The following FAM186B variants were observed in gnomAD, a reference collection of about 807,000 sequenced individuals.
FAM186B encodes family with sequence similarity 186 member B, also known as protein FAM186B.
A neutral mutation model predicts 83.4 loss-of-function variants in FAM186B; 68 were observed. That is an observed-to-expected ratio of 0.81 (90% CI 0.67 to 1.00). The LOEUF (loss-of-function observed/expected upper bound fraction) is 1.00. FAM186B is among the 50% of genes least tolerant of loss of function. The probability of loss-of-function intolerance (pLI) is 0.00; values close to 1 mark genes in which losing one functional copy is unlikely to be tolerated. For synonymous variants in FAM186B, 389 were observed against 422.0 expected (o/e 0.92, Z 0.96); for missense variants, 983 against 1,099.2 (o/e 0.89, Z 1.49).
rs2138314408 is a variant in FAM186B at position 49,605,324 on chromosome 12, C to G, written c.96+58G>C. The G allele has an allele frequency of 2.5e-6, 4 of 1,569,268 alleles. No homozygotes were observed. The East Asian group carries it at 9.2e-5, about 36-fold the overall frequency. On this transcript the variant is annotated intron_variant, in intron 1 of 6. Transcript: ENST00000257894. ...GAATCTCACTCAAACCTGGGATCAG[C>G]CCCCAGTCTCCGCATCAGATCCCAA...
intron 5 of FAM186B, chr12:49,595,465 G>T: frequency 2.1e-6 from 1 of 480,122 alleles, no homozygotes; most frequent in Non-Finnish European, 4.1e-6. Flanking sequence ...GATGGCTCAT[G>T]AGATCAGTTT....
upstream of FAM186B, among the ~76,000 whole-genome samples, chr12:49,610,235 A>C (rs981967579): frequency 6.6e-6 from 1 of 152,186 alleles, no homozygotes; most frequent in African/African-American, 2.4e-5. Flanking sequence ...GCATCTCCAG[A>C]TGAGAAAGAA....
chr12:49,596,314 C>T (rs1200900151), intron 5 of FAM186B, among the ~76,000 whole-genome samples: 1 of 144,182 alleles, frequency 6.9e-6, no homozygotes, highest in African/African-American at 2.7e-5. Flanking sequence ...TATAGTGAGA[C>T]CCCCGTCTCA....
chr12:49,592,018 C>G (rs1194354609), intron 5 of FAM186B, among the ~76,000 whole-genome samples: 1 of 152,054 alleles, frequency 6.6e-6, no homozygotes, highest in Non-Finnish European at 1.5e-5. Flanking sequence ...CCCATAGATA[C>G]AGAGGGCCAA....
At chr12:49,587,063 A>T (rs1939460694), downstream of FAM186B, among the ~76,000 whole-genome samples, 1 of 152,208 alleles carries the variant, frequency 6.6e-6, no homozygotes, top group Non-Finnish European at 1.5e-5. Context: ...CAGTAGTGAC[A>T]TCTACAAGCC....
chr12:49,600,412 T>C lies in FAM186B; in HGVS notation c.1228A>G (p.Thr410Ala), dbSNP rs1939854957. 6.2e-7 allele frequency: 1 copy of C among 1,613,812 alleles called. No homozygotes were observed. Among genetic ancestry groups the C allele is most frequent in the Non-Finnish European group, 8.5e-7 (1 of 1,179,910 alleles). The change falls in exon 4 of 7, where the codon ACT becomes GCT. Residue 410 changes from threonine (T) to alanine (A), a missense_variant. Coordinates refer to ENST00000257894, the MANE Select transcript of FAM186B (RefSeq NM_032130.3). This position sits in a 1 kb window ranked among gnomAD's most constrained non-coding sequence, Gnocchi z 4.3. ...RVADVFGSKD[T>A]ESLEPVLLPL... is the part of the protein sequence containing the mutation. Reference sequence around the variant, plus strand: ...AAAAGCACAGGCTCAAGGCTCTCAGTGTCCTTGCTGCCGAACACATCTGCG... The same window carrying C: ...AAAAGCACAGGCTCAAGGCTCTCAGCGTCCTTGCTGCCGAACACATCTGCG...
At position 49,605,378 on chromosome 12, in the gene FAM186B, C is replaced by T; in HGVS notation, c.96+4G>A. On this transcript the variant is annotated splice_donor_region_variant and intron_variant, in intron 1 of 6. Transcript: ENST00000257894. The stretch of plus-strand genomic sequence containing the variant: ...AAGAGTGATTCCTTCATCTCAGGGG[C>T]TACCTCTTGAGCCCGAGTTAGCTGG... 3 of 1,611,258 alleles carry T rather than the reference C, an allele frequency of 1.9e-6. No homozygotes were observed. The highest frequency in any genetic ancestry group is 2.5e-6 in the Non-Finnish European group (3 of 1,178,830).
At chr12:49,584,388 C>G (rs1294477157), downstream of FAM186B, 2 of 662,152 alleles carry the variant, frequency 3.0e-6, no homozygotes, top group Non-Finnish European at 5.5e-6. Context: ...CAGAGGGTTT[C>G]TTTAAAAGCA....
At position 49,587,655 on chromosome 12, in the gene FAM186B, G is replaced by C; in HGVS notation, c.2632C>G (p.Gln878Glu). 1 of 1,613,648 alleles carries C rather than the reference G, an allele frequency of 6.2e-7. No homozygotes were observed. The highest frequency in any genetic ancestry group is 1.1e-5 in the South Asian group (1 of 91,084). Residue 878 changes from glutamine to glutamate, a missense_variant, in exon 7 of 7, where the codon CAG becomes GAG. Transcript: ENST00000257894. ...GGAATATCTGGGTGTCCCCTCAGCT[G>C]GTCCCGGGGAAGGCTGGCAGGGGTC... The part of the protein sequence containing the change: ...KKTPASLPRD[Q>E]LRGHPDIPRL...
intron 3 of FAM186B, 29 bp from the exon 4 acceptor site, chr12:49,601,163 C>T (rs141912111): frequency 1.2e-5 from 18 of 1,519,598 alleles, no homozygotes; most frequent in Middle Eastern, 1.8e-4. Flanking sequence ...AAAAAGTCAA[C>T]GATTTCTCAT....
chr12:49,602,383 C>T (rs903229412), intron 3 of FAM186B, among the ~76,000 whole-genome samples: 3 of 152,188 alleles, frequency 2.0e-5, no homozygotes, highest in South Asian at 4.1e-4. Flanking sequence ...TGAGGCTGGC[C>T]ATGAGGAACA....
downstream of FAM186B, chr12:49,587,465 C>T (rs1239912107): frequency 9.1e-6 from 11 of 1,203,908 alleles, no homozygotes; most frequent in South Asian, 1.3e-5. Flanking sequence ...ACCAGGTTAG[C>T]CTCTCTCTAT....
upstream of FAM186B, among the ~76,000 whole-genome samples, chr12:49,610,479 A>G (rs1303382256): frequency 1.3e-5 from 2 of 152,234 alleles, no homozygotes; most frequent in African/African-American, 4.8e-5. Context: ...TTGAAAATAA[A>G]TCAGTCAGAG....
intron 5 of FAM186B, among the ~76,000 whole-genome samples, chr12:49,598,142 G>C (rs1308548433): frequency 6.6e-6 from 1 of 152,224 alleles, no homozygotes; most frequent in African/African-American, 2.4e-5. Context: ...TCAATTAAGA[G>C]TGAGGATAGA....
At chr12:49,597,312 A>G (rs1366479420) in intron 5 of FAM186B, among the ~76,000 whole-genome samples, 1 of 152,232 alleles carries the variant, frequency 6.6e-6, no homozygotes, top group Non-Finnish European at 1.5e-5. Context: ...TTGCCACAAT[A>G]TGGTTGGCCC....
chr12:49,600,067 C>T lies in FAM186B; in HGVS notation c.1573G>A (p.Asp525Asn), dbSNP rs1939839001. 1 of 1,606,856 alleles carries T rather than the reference C, an allele frequency of 6.2e-7. No homozygotes were observed. The highest frequency in any genetic ancestry group is 1.1e-5 in the South Asian group (1 of 89,950). ...QEKLRQWNLE[D>N]LAREQQRRWV... ...CTCCGCTGTTGCTCCCTGGCCAGGTCTTCCAGATTCCACTGCCGCAGCTTC... is the reference window on the plus strand; with the variant it reads ...CTCCGCTGTTGCTCCCTGGCCAGGTTTTCCAGATTCCACTGCCGCAGCTTC... Residue 525 changes from aspartate to asparagine, a missense_variant, in exon 4 of 7, where the codon GAC (aspartate) becomes AAC (asparagine). Physicochemically the swap from Asp to Asn is conservative, Grantham distance 23. Transcript: ENST00000257894. The surrounding 1 kb of genome is among the most constrained non-coding windows in gnomAD (Gnocchi z 4.3).
At chr12:49,587,886 C>G in intron 6 of FAM186B, 134 bp from the exon 7 acceptor site, 1 of 949,246 alleles carries the variant, frequency 1.1e-6, no homozygotes, top group South Asian at 1.7e-5. Context: ...CTGCCCTCCT[C>G]ATCTCCCCTC....
intron 5 of FAM186B, among the ~76,000 whole-genome samples, chr12:49,597,519 T>C (rs1939756424): frequency 1.3e-5 from 2 of 152,106 alleles, no homozygotes; most frequent in African/African-American, 4.8e-5. Flanking sequence ...AGCAAATACA[T>C]AGGACTAAGA....
the FAM186B span, among the ~76,000 whole-genome samples, chr12:49,613,891 G>A: frequency 1.1e-4 from 17 of 151,846 alleles, no homozygotes; most frequent in Middle Eastern, 6.8e-3. Context: ...GCTCACACCC[G>A]TAACCCTAGC....
Sources: allele counts gnomAD v4.1 joint callset (sites outside exome capture counted in the v4.1 genomes callset), GRCh38; gene constraint gnomAD v4.1.1; non-coding constraint Gnocchi (gnomAD v3.1); transcripts MANE v1.5; gene names NCBI Gene and HGNC (gene_info 2026-07-23, HGNC 2026-07-21).